Variants in WDR59 observed in about 807,000 individuals in gnomAD.
WDR59 encodes the protein WD repeat domain 59, also known as GATOR2 complex protein WDR59.
WDR59 carries 100 observed loss-of-function variants against 131.2 expected under a neutral mutation model. The ratio of observed to expected loss-of-function variants is 0.76; its 90% CI spans 0.65 to 0.90. The LOEUF is 0.90. Ranked by LOEUF, WDR59 falls within the 40% of genes least tolerant of loss-of-function variation. The pLI, the probability that WDR59 is intolerant of heterozygous loss-of-function variation, is 0.00. For synonymous variants in WDR59, 601 were observed against 466.2 expected (o/e 1.29, Z -3.72); for missense variants, 1,203 against 1,262.2 (o/e 0.95, Z 0.71).
chr16:74,984,138 G>T (rs566594975), intron 1 of WDR59, among the ~76,000 whole-genome samples: 2 of 151,898 alleles, frequency 1.3e-5, no homozygotes, highest in South Asian at 2.1e-4. Flanking sequence ...TTAGCCGGGC[G>T]TGGTGGTGCG....
intron 18 of WDR59, chr16:74,894,049 A>AC: frequency 2.3e-6 from 1 of 428,338 alleles, no homozygotes; most frequent in Non-Finnish European, 4.1e-6. Context: ...GTGCTCAAAA[A>AC]CACATATCAG....
rs2032052450 is a variant in WDR59 at position 74,939,429 on chromosome 16, A to T, written c.535-1163T>A. Among the ~76,000 whole-genome samples, 10 of 152,266 alleles carry T rather than the reference A, an allele frequency of 6.6e-5. No homozygotes were observed. In the South Asian group the frequency reaches 1.9e-3, roughly 28 times the overall value. On this transcript the variant is annotated intron_variant, in intron 7 of 25. Coordinates refer to ENST00000262144, the MANE Select transcript of WDR59 (RefSeq NM_030581.4). The stretch of plus-strand genomic sequence containing the variant: ...CGACACCAAATGATGATACAATATG[A>T]TGTAGCCACTGAAAATTATACTTAG...
In WDR59 at chr16:74,912,415, C is replaced by T. The variant is rs750248495; in HGVS notation, c.1225-53G>A. On this transcript the variant is annotated intron_variant, in intron 13 of 25. Transcript: ENST00000262144. ...TAGAAACAAACCATAAAGCGTCTTT[C>T]GATGCAAGCACATTTAACTGAACGC... The T allele has an allele frequency of 1.2e-4, 188 of 1,572,822 alleles. 1 individual carries two copies. The highest frequency in any genetic ancestry group is 1.5e-4 in the Non-Finnish European group (168 of 1,154,144).
At chr16:74,956,640 A>G in intron 2 of WDR59, 30 bp from the exon 3 acceptor site, 1 of 1,603,458 alleles carries the variant, frequency 6.2e-7, no homozygotes, top group Non-Finnish European at 8.5e-7. Context: ...TTATAATAGT[A>G]TAAAAACACA....
chr16:74,979,993 C>T lies in WDR59; in HGVS notation c.54+4971G>A, dbSNP rs186208317. Among the ~76,000 whole-genome samples the T allele has an allele frequency of 6.2e-4, 94 of 151,802 alleles. 1 individual carries two copies. The highest frequency in any genetic ancestry group is 1.1e-3 in the Non-Finnish European group (74 of 67,956). ...CCTCCCGAGTAGCTGGGATGACAGG[C>T]ATGCACCACCACGCCCAGCTAATTT... On this transcript the variant is annotated intron_variant, in intron 1 of 25. Transcript: ENST00000262144.
At chr16:74,879,827 C>G (rs574722994) in intron 25 of WDR59, among the ~76,000 whole-genome samples, 1 of 152,258 alleles carries the variant, frequency 6.6e-6, no homozygotes, top group South Asian at 2.1e-4. Context: ...CAAAAATGCT[C>G]AGAACAATGG....
intron 7 of WDR59, among the ~76,000 whole-genome samples, chr16:74,941,160 C>A (rs960249365): frequency 2.6e-5 from 4 of 151,016 alleles, no homozygotes; most frequent in African/African-American, 9.7e-5. Context: ...GCTTCAGCAA[C>A]CTTGTCTCTA....
intron 14 of WDR59, among the ~76,000 whole-genome samples, chr16:74,910,345 T>A (rs929331907): frequency 8.5e-5 from 13 of 152,144 alleles, no homozygotes; most frequent in Admixed American, 2.6e-4. Context: ...AGTCAAGGCT[T>A]CCAACACAGT....
chr16:74,888,747 G>A (rs1964896210), intron 21 of WDR59, among the ~76,000 whole-genome samples: 1 of 152,198 alleles, frequency 6.6e-6, no homozygotes, highest in African/African-American at 2.4e-5. Flanking sequence ...GCTACATGAA[G>A]GAGCTCAGAG....
At position 74,984,508 on chromosome 16, in the gene WDR59, G is replaced by T. The variant is rs1023429146; in HGVS notation, c.54+456C>A. 2.6e-5 allele frequency: 5 copies of T among 192,990 alleles called. No individual in the cohort carries two copies. The East Asian group carries it at 5.1e-4, about 20-fold the overall frequency. 12.0% of individuals were successfully genotyped at this position (192,990 alleles called of 1,614,324 possible). ...TTAAGAACCACTTAACCGCGTAGAC[G>T]CTGCAACAGGCACTTTGCAAACAGT... On this transcript the variant is annotated intron_variant, in intron 1 of 25. Transcript: ENST00000262144.
At chr16:74,905,542 C>T (rs1427591390) in intron 17 of WDR59, among the ~76,000 whole-genome samples, 2 of 151,316 alleles carry the variant, frequency 1.3e-5, no homozygotes, top group African/African-American at 4.9e-5. Context: ...ATTAGCCAGG[C>T]GTGGTGGCGG....
chr16:74,890,437 C>T (rs1964981292), intron 20 of WDR59, among the ~76,000 whole-genome samples: 1 of 152,188 alleles, frequency 6.6e-6, no homozygotes, highest in African/African-American at 2.4e-5. Flanking sequence ...AGGTGTGAGC[C>T]ACTGCACCCG....
chr16:74,905,311 G>A (rs1476716406), intron 17 of WDR59, among the ~76,000 whole-genome samples: 1 of 151,422 alleles, frequency 6.6e-6, no homozygotes, highest in Non-Finnish European at 1.5e-5. Flanking sequence ...GGAGGCGGAG[G>A]TTGTGGTGAG....
In WDR59 at chr16:74,977,835, G is replaced by C. The variant is rs185338816; in HGVS notation, c.54+7129C>G. On this transcript the variant is annotated intron_variant, in intron 1 of 25. Coordinates refer to ENST00000262144, the MANE Select transcript of WDR59 (RefSeq NM_030581.4). ...TACACAAATTGCAGTCTATATACTGGAACACTACTCAGCAAGAAGAAGGAA... is the reference window on the plus strand; with the variant it reads ...TACACAAATTGCAGTCTATATACTGCAACACTACTCAGCAAGAAGAAGGAA... 3.2e-3 allele frequency among the ~76,000 whole-genome samples: 486 copies of C among 152,282 alleles called. 2 individuals are homozygous for C. Among genetic ancestry groups the C allele is most frequent in the African/African-American group, 0.011 (458 of 41,562 alleles).
chr16:74,901,885 T>G (rs1183283752), intron 18 of WDR59, among the ~76,000 whole-genome samples: 2 of 152,080 alleles, frequency 1.3e-5, no homozygotes, highest in African/African-American at 4.8e-5. Context: ...GGCCCCTACA[T>G]AAACGGGATG....
intron 8 of WDR59, among the ~76,000 whole-genome samples, chr16:74,928,119 G>C (rs534182238): frequency 6.0e-5 from 9 of 151,102 alleles, no homozygotes; most frequent in African/African-American, 2.2e-4. Context: ...TGTTGGCCAG[G>C]ATTAGCTCAA....
intron 13 of WDR59, 72 bp downstream of exon 13, chr16:74,915,798 A>G (rs1262234483): frequency 6.3e-7 from 1 of 1,595,946 alleles, no homozygotes; most frequent in East Asian, 2.2e-5. Flanking sequence ...AACTGAAATC[A>G]TTGCTGAAAT....
intron 10 of WDR59, 62 bp from the exon 11 acceptor site, chr16:74,918,070 G>T: frequency 1.3e-6 from 2 of 1,524,870 alleles, no homozygotes; most frequent in Non-Finnish European, 1.8e-6. Context: ...TTTGCTAGAG[G>T]TTGAAATGGA....
intron 25 of WDR59, among the ~76,000 whole-genome samples, chr16:74,885,314 G>A (rs1036554655): frequency 6.6e-6 from 1 of 151,856 alleles, no homozygotes; most frequent in African/African-American, 2.4e-5. Context: ...AGCCAGGCAT[G>A]GTGGCAGGCG....
Sources: gnomAD v4.1 joint callset for allele counts (sites outside exome capture counted in the v4.1 genomes callset) on GRCh38, gnomAD v4.1.1 for gene constraint, MANE v1.5 for transcripts, NCBI Gene and HGNC (gene_info 2026-07-23, HGNC 2026-07-21) for gene names.